The following YAF2 variants were observed in gnomAD, a reference collection of about 807,000 sequenced individuals.
YAF2 encodes YY1 associated factor 2, also known as YY1-associated factor 2.
In YAF2, 7 loss-of-function variants were observed where a neutral mutation model predicts 20.1. The observed-to-expected ratio is 0.35, with a 90% CI of 0.20 to 0.65. YAF2 has a LOEUF of 0.65. Ranked by LOEUF, YAF2 falls within the 30% of genes least tolerant of loss-of-function variation. The probability of loss-of-function intolerance (pLI) is 0.69; values close to 1 mark genes in which losing one functional copy is unlikely to be tolerated. For missense variants in YAF2, 151 were observed against 219.2 expected (o/e 0.69, Z 1.96); for synonymous variants, 74 against 76.0 (o/e 0.97, Z 0.14).
chr12:42,202,990 C>T (rs1026007320), intron 2 of YAF2, among the ~76,000 whole-genome samples: 4 of 151,922 alleles, frequency 2.6e-5, no homozygotes, highest in Non-Finnish European at 5.9e-5. Context: ...CAAGTTCCTC[C>T]TCATTCTTTT....
chr12:42,219,841 T>C (rs748862873), intron 2 of YAF2, among the ~76,000 whole-genome samples: 3 of 152,218 alleles, frequency 2.0e-5, no homozygotes, highest in East Asian at 3.8e-4. Flanking sequence ...AGATTGTACA[T>C]TTCTAACAAG....
chr12:42,236,783 G>A (rs562977341), intron 2 of YAF2, among the ~76,000 whole-genome samples: 3 of 152,176 alleles, frequency 2.0e-5, no homozygotes, highest in African/African-American at 4.8e-5. Context: ...TTAATTCAAA[G>A]GGTACCTTCG....
intron 2 of YAF2, among the ~76,000 whole-genome samples, chr12:42,185,843 T>C (rs1399653322): frequency 6.6e-6 from 1 of 152,226 alleles, no homozygotes; most frequent in South Asian, 2.1e-4. Context: ...TGTTGTGATA[T>C]TTGCTTTACT....
intron 2 of YAF2, among the ~76,000 whole-genome samples, chr12:42,183,995 T>C (rs1261103835): frequency 6.6e-6 from 1 of 152,198 alleles, no homozygotes; most frequent in Non-Finnish European, 1.5e-5. Context: ...ACTCTGCCTG[T>C]GCTCTATAAA....
chr12:42,234,920 C>CA (rs2068098002), intron 2 of YAF2: 1 of 884,316 alleles, frequency 1.1e-6, no homozygotes, highest in African/African-American at 1.8e-5. Flanking sequence ...CCTGGGAGTT[C>CA]GAGGCTGCAG....
At chr12:42,218,814 C>T (rs74081014) in intron 2 of YAF2, among the ~76,000 whole-genome samples, 1 of 151,906 alleles carries the variant, frequency 6.6e-6, no homozygotes, top group African/African-American at 2.4e-5. Context: ...AGCTCTGAGC[C>T]TTACTAATCT....
chr12:42,172,571 A>T (rs1380639904), intron 2 of YAF2, among the ~76,000 whole-genome samples: 2 of 152,212 alleles, frequency 1.3e-5, no homozygotes, highest in Non-Finnish European at 2.9e-5. Flanking sequence ...AAAGGTTTGA[A>T]AAATACAGAA....
chr12:42,164,568 G>A (rs1311423411), intron 2 of YAF2, among the ~76,000 whole-genome samples: 1 of 151,900 alleles, frequency 6.6e-6, no homozygotes, highest in African/African-American at 2.4e-5. Context: ...TAAAAACAAT[G>A]ACATTCTTTA....
chr12:42,229,825 A>G (rs2067924118), intron 2 of YAF2, among the ~76,000 whole-genome samples: 1 of 152,256 alleles, frequency 6.6e-6, no homozygotes, highest in Admixed American at 6.5e-5. Flanking sequence ...GAAAAAGTAG[A>G]GTAAAAATAT....
chr12:42,200,911 T>A (rs576304817), intron 2 of YAF2, among the ~76,000 whole-genome samples: 1 of 152,310 alleles, frequency 6.6e-6, no homozygotes, highest in South Asian at 2.1e-4. Flanking sequence ...CCCCTCTATA[T>A]TTCAGTATTC....
chr12:42,190,485 TACTTA>T (rs1464684449), intron 2 of YAF2, among the ~76,000 whole-genome samples: 1 of 152,250 alleles, frequency 6.6e-6, no homozygotes, highest in Non-Finnish European at 1.5e-5. Flanking sequence ...AGTTCTGTTT[TACTTA>T]ACTATTTTTT....
chr12:42,227,653 G>A (rs1207534893), intron 2 of YAF2, among the ~76,000 whole-genome samples: 5 of 148,408 alleles, frequency 3.4e-5, no homozygotes, highest in Non-Finnish European at 6.0e-5. Flanking sequence ...CAGCTGCCCC[G>A]TCTGAGAAGT....
At chr12:42,223,796 G>A (rs2067595576) in intron 2 of YAF2, among the ~76,000 whole-genome samples, 1 of 141,046 alleles carries the variant, frequency 7.1e-6, no homozygotes, top group African/African-American at 2.6e-5. Flanking sequence ...AACACCGCAT[G>A]TTCTCACTCA....
At chr12:42,237,373 A>C (rs1462308485) in intron 2 of YAF2, 1 of 1,219,570 alleles carries the variant, frequency 8.2e-7, no homozygotes, top group African/African-American at 1.6e-5. Flanking sequence ...TAAATAATTT[A>C]TTCTCTCTTG....
intron 2 of YAF2, among the ~76,000 whole-genome samples, chr12:42,200,428 C>T (rs2066868970): frequency 6.6e-6 from 1 of 152,192 alleles, no homozygotes; most frequent in Admixed American, 6.5e-5. Flanking sequence ...TTATCTGCTG[C>T]TCCACTACAT....
intron 2 of YAF2, among the ~76,000 whole-genome samples, chr12:42,195,382 A>G (rs2066723423): frequency 1.3e-5 from 2 of 152,250 alleles, no homozygotes; most frequent in Admixed American, 1.3e-4. Context: ...AGTAACATAC[A>G]GGAAACAAAT....
Position 42,171,799 on chromosome 12 carries a change from C to CA in YAF2, c.153-10035dup, listed in dbSNP as rs11352121. Among the ~76,000 whole-genome samples, 490 of 143,000 alleles carry CA rather than the reference C, an allele frequency of 3.4e-3. 23 individuals are homozygous for CA. In the East Asian group the frequency reaches 0.077, roughly 22 times the overall value. The allele number at this position is 143,000 out of a possible 152,430, so 93.8% of individuals were successfully genotyped here. A position where few individuals can be genotyped will look rare whatever the true frequency, so the allele number is the denominator to read the frequency against. ...TGAAACCCCATCTCTACAGAAAATA[C>CA]AAAAAAAAAAAAAAATTGGCCAGGT... On this transcript the variant is annotated intron_variant, in intron 2 of 3. Transcript: ENST00000534854.
chr12:42,236,087 A>G (rs2068145898), intron 2 of YAF2: 2 of 1,450,196 alleles, frequency 1.4e-6, no homozygotes, highest in Admixed American at 2.4e-5. Flanking sequence ...GCAATAATAT[A>G]TAGTACCAGA....
At chr12:42,192,482 C>T (rs1260577301) in intron 2 of YAF2, among the ~76,000 whole-genome samples, 1 of 152,244 alleles carries the variant, frequency 6.6e-6, no homozygotes, top group African/African-American at 2.4e-5. Context: ...GCACTCTAGC[C>T]TGGGCAACAC....
Sources: allele counts gnomAD v4.1 joint callset (sites outside exome capture counted in the v4.1 genomes callset), GRCh38; gene constraint gnomAD v4.1.1; transcripts MANE v1.5; gene names NCBI Gene and HGNC (gene_info 2026-07-23, HGNC 2026-07-21).